FRMD4B: variants seen among roughly 807,000 people sequenced by gnomAD.
FRMD4B encodes the protein FERM domain containing 4B, also known as FERM domain-containing protein 4B.
FRMD4B carries 74 observed loss-of-function variants against 141.5 expected under a neutral mutation model. The observed-to-expected ratio is 0.52, with a 90% CI of 0.43 to 0.63. FRMD4B has a LOEUF of 0.63. Ranked by LOEUF, FRMD4B falls within the 30% of genes least tolerant of loss-of-function variation. The pLI, the probability that FRMD4B is intolerant of heterozygous loss-of-function variation, is 0.00. For missense variants in FRMD4B, 1,366 were observed against 1,253.4 expected, an observed-to-expected ratio of 1.09 and a Z score of -1.36; for synonymous variants, 506 against 467.9, an observed-to-expected ratio of 1.08 and a Z score of -1.05.
upstream of FRMD4B, chr3:69,386,240 GC>G: frequency 2.5e-6 from 1 of 400,884 alleles, no homozygotes; most frequent in East Asian, 4.1e-5. Context: ...CGCTCGCAGC[GC>G]CGAGCAAGCT....
At position 69,478,183 on chromosome 3, in the gene FRMD4B, G is replaced by GT. The variant is rs879693039; in HGVS notation, c.-128-45423dup. Reference sequence around the variant, plus strand: ...CCTGGATTTATTGATTTTTTGAAGGGTTTTTTGTGTCTCTATTTCCTTCAG... The same window carrying GT: ...CCTGGATTTATTGATTTTTTGAAGGGTTTTTTTGTGTCTCTATTTCCTTCAG... On this transcript the variant is annotated intron_variant, in intron 1 of 5. Coordinates refer to the FRMD4B transcript ENST00000459638. Among the ~76,000 whole-genome samples, 609 of 152,194 alleles carry GT rather than the reference G, an allele frequency of 4.0e-3. 16 individuals are homozygous for GT. The East Asian group carries it at 0.069, about 17-fold the overall frequency.
At chr3:69,336,174 T>C (rs1443771171) in intron 1 of FRMD4B, among the ~76,000 whole-genome samples, 5 of 151,876 alleles carry the variant, frequency 3.3e-5, no homozygotes, top group Admixed American at 6.6e-5. Context: ...TGGTTGGAGG[T>C]TGGTCACCAA....
intron 1 of FRMD4B, among the ~76,000 whole-genome samples, chr3:69,501,447 G>T (rs1706496392): frequency 6.6e-6 from 1 of 152,052 alleles, no homozygotes; most frequent in Non-Finnish European, 1.5e-5. Flanking sequence ...TAGCATTGTT[G>T]TAAGAATTAA....
In FRMD4B at chr3:69,171,667, G is replaced by T. The variant is rs1005125822; in HGVS notation, c.*194C>A. On this transcript the variant is annotated 3_prime_UTR_variant, in exon 23 of 23. Coordinates refer to ENST00000398540, the MANE Select transcript of FRMD4B (RefSeq NM_015123.3). ...TACGTTAGTGCCTAGAGTTTGAAAGGCCAAATCCTCCTTTAGGGGCTTTGT... is the reference window on the plus strand; with the variant it reads ...TACGTTAGTGCCTAGAGTTTGAAAGTCCAAATCCTCCTTTAGGGGCTTTGT... 6 of 566,288 alleles carry T rather than the reference G, an allele frequency of 1.1e-5. No individual in the cohort carries two copies. Among genetic ancestry groups the T allele is most frequent in the Admixed American group, 3.1e-5 (1 of 32,356 alleles). The allele number at this position is 566,288 out of a possible 1,614,324, so 35.1% of individuals were successfully genotyped here. A position where few individuals can be genotyped will look rare whatever the true frequency, so the allele number is the denominator to read the frequency against.
intron 7 of FRMD4B, among the ~76,000 whole-genome samples, chr3:69,225,504 T>C (rs565614293): frequency 7.6e-4 from 85 of 112,498 alleles, no homozygotes; most frequent in Admixed American, 1.1e-3. Flanking sequence ...TGAAACCCTG[T>C]ATCTACTAAA....
rs191833712 is a variant in FRMD4B, at chr3:69,372,391, G to C, written c.162+13437C>G. 8.9e-4 allele frequency among the ~76,000 whole-genome samples: 136 copies of C among 152,354 alleles called. 3 individuals carry two copies. In the South Asian group the frequency reaches 0.017, roughly 19 times the overall value. ...GCTTTAATAAACAATGAGGCTGGGT[G>C]TGATGGCTCATGCCTGTAATCCCAA... On this transcript the variant is annotated intron_variant, in intron 1 of 22. Transcript: ENST00000398540.
intron 1 of FRMD4B, among the ~76,000 whole-genome samples, chr3:69,492,787 G>T (rs1179438676): frequency 6.6e-6 from 1 of 152,184 alleles, no homozygotes; most frequent in African/African-American, 2.4e-5. Context: ...TAGCATGTCT[G>T]GAATGTCTTG....
At chr3:69,316,902 A>G (rs1380807670) in intron 1 of FRMD4B, among the ~76,000 whole-genome samples, 1 of 152,212 alleles carries the variant, frequency 6.6e-6, no homozygotes, top group African/African-American at 2.4e-5. Flanking sequence ...CTGGTGGATG[A>G]CCTGAGGTCA....
chr3:69,536,680 TC>T, intron 1 of FRMD4B: 1 of 745,280 alleles, frequency 1.3e-6, no homozygotes. Context: ...CTGGTGACAC[TC>T]CCAGGAGGGG....
intron 2 of FRMD4B, among the ~76,000 whole-genome samples, chr3:69,423,609 G>C (rs1432891697): frequency 3.3e-5 from 5 of 152,160 alleles, no homozygotes; most frequent in Non-Finnish European, 7.3e-5. Flanking sequence ...ATAGTTTGAA[G>C]CTTAATCACC....
chr3:69,297,158 G>A (rs1002705015), intron 4 of FRMD4B, among the ~76,000 whole-genome samples: 2 of 152,100 alleles, frequency 1.3e-5, no homozygotes, highest in Admixed American at 1.3e-4. Flanking sequence ...GGAATGACGA[G>A]GACTCACGGG....
At chr3:69,322,297 G>A (rs1702024438) in intron 1 of FRMD4B, among the ~76,000 whole-genome samples, 1 of 152,130 alleles carries the variant, frequency 6.6e-6, no homozygotes, top group South Asian at 2.1e-4. Flanking sequence ...ATCTCTGGGT[G>A]TTGACTGAAT....
chr3:69,454,191 G>A (rs577039348), intron 1 of FRMD4B, among the ~76,000 whole-genome samples: 5 of 152,350 alleles, frequency 3.3e-5, no homozygotes, highest in Admixed American at 6.5e-5. Context: ...TATCATCAAA[G>A]GAACTCCTGT....
intron 11 of FRMD4B, among the ~76,000 whole-genome samples, chr3:69,213,562 C>T (rs1241297980): frequency 1.3e-5 from 2 of 151,850 alleles, no homozygotes; most frequent in Admixed American, 1.3e-4. Context: ...TGATCTTGGT[C>T]ACAGAGCTTA....
chr3:69,278,229 A>G (rs1445125820), intron 5 of FRMD4B, among the ~76,000 whole-genome samples: 1 of 152,188 alleles, frequency 6.6e-6, no homozygotes, highest in Non-Finnish European at 1.5e-5. Context: ...ACATACAGAT[A>G]AGTTTGGAAA....
chr3:69,518,267 T>C (rs1247197058), intron 1 of FRMD4B, among the ~76,000 whole-genome samples: 1 of 152,156 alleles, frequency 6.6e-6, no homozygotes, highest in African/African-American at 2.4e-5. Context: ...TGATCTTAAA[T>C]TTTTTAAAAT....
chr3:69,207,297 C>T (rs1480503925), intron 11 of FRMD4B, among the ~76,000 whole-genome samples: 1 of 116,532 alleles, frequency 8.6e-6, no homozygotes, highest in African/African-American at 3.1e-5. Flanking sequence ...AGAGTTAGAA[C>T]CTATGTCTTT....
chr3:69,258,869 T>C (rs1012972832), intron 5 of FRMD4B, among the ~76,000 whole-genome samples: 2 of 152,132 alleles, frequency 1.3e-5, no homozygotes, highest in Non-Finnish European at 2.9e-5. Context: ...CAGCTCCTCA[T>C]CTGCAAAATA....
intron 1 of FRMD4B, among the ~76,000 whole-genome samples, chr3:69,339,228 C>T (rs930020549): frequency 6.6e-6 from 1 of 151,922 alleles, no homozygotes; most frequent in African/African-American, 2.4e-5. Context: ...AATGTTAAAC[C>T]CGAGTTTTAT....
Sources: allele counts gnomAD v4.1 joint callset (sites outside exome capture counted in the v4.1 genomes callset), GRCh38; gene constraint gnomAD v4.1.1; transcripts MANE v1.5; gene names NCBI Gene and HGNC (gene_info 2026-07-23, HGNC 2026-07-21).